Variants in THSD7A observed in about 807,000 individuals in gnomAD.
The protein encoded by THSD7A is thrombospondin type 1 domain containing 7A.
A neutral mutation model predicts 231.3 loss-of-function variants in THSD7A; 96 were observed. The ratio of observed to expected loss-of-function variants is 0.41; its 90% CI spans 0.35 to 0.49. The LOEUF (loss-of-function observed/expected upper bound fraction) is 0.49, where lower values mean the gene tolerates loss of function less well. Among genes scored for constraint, THSD7A ranks in the 20% least tolerant of loss-of-function variants. The probability of loss-of-function intolerance (pLI) is 0.05; values close to 1 mark genes in which losing one functional copy is unlikely to be tolerated. For synonymous variants in THSD7A, 940 were observed against 743.3 expected (o/e 1.26, Z -4.30); for missense variants, 2,290 against 2,070.2 (o/e 1.11, Z -2.06).
chr7:11,382,344 A>G (rs1782551184), intron 24 of THSD7A, among the ~76,000 whole-genome samples, 177 bp downstream of exon 24: 1 of 152,202 alleles, frequency 6.6e-6, no homozygotes, highest in African/African-American at 2.4e-5. Context: ...AACCACCTAT[A>G]AAATAAAATA....
intron 1 of THSD7A, among the ~76,000 whole-genome samples, chr7:11,816,299 T>C (rs1784702040): frequency 6.6e-6 from 1 of 152,190 alleles, no homozygotes; most frequent in Admixed American, 6.6e-5. Flanking sequence ...TAATTCAGAC[T>C]GTGAATGGAG....
chr7:11,565,760 G>C (rs1583985478), intron 4 of THSD7A, among the ~76,000 whole-genome samples: 1 of 152,120 alleles, frequency 6.6e-6, no homozygotes, highest in African/African-American at 2.4e-5. Flanking sequence ...CTGCTTTTTA[G>C]TTGATCAGAG....
At chr7:11,793,196 T>TA (rs1434029619) in intron 1 of THSD7A, among the ~76,000 whole-genome samples, 3 of 151,568 alleles carry the variant, frequency 2.0e-5, no homozygotes, top group Non-Finnish European at 4.4e-5. Flanking sequence ...AAAGATGGGG[T>TA]AAGAAGTATT....
At chr7:11,773,139 C>T (rs563332301) in intron 1 of THSD7A, among the ~76,000 whole-genome samples, 1 of 152,268 alleles carries the variant, frequency 6.6e-6, no homozygotes, top group African/African-American at 2.4e-5. Context: ...ATATTTTTAA[C>T]ACTGAAAGAT....
intron 1 of THSD7A, among the ~76,000 whole-genome samples, chr7:11,792,803 T>A (rs1040442624): frequency 1.3e-5 from 2 of 151,988 alleles, no homozygotes; most frequent in African/African-American, 4.8e-5. Context: ...ATACAATCTC[T>A]GTTTCAGTTA....
chr7:11,828,530 G>A (rs1463271645), intron 1 of THSD7A, among the ~76,000 whole-genome samples: 1 of 152,082 alleles, frequency 6.6e-6, no homozygotes, highest in Non-Finnish European at 1.5e-5. Flanking sequence ...TTGTAATTGT[G>A]TACTTATAGT....
chr7:11,457,689 A>G (rs1196664565), intron 11 of THSD7A, among the ~76,000 whole-genome samples: 1 of 152,050 alleles, frequency 6.6e-6, no homozygotes, highest in Admixed American at 6.6e-5. Flanking sequence ...GCCTTCCACA[A>G]AATCACCCCA....
intron 16 of THSD7A, among the ~76,000 whole-genome samples, chr7:11,422,489 C>T (rs755715799): frequency 2.0e-5 from 3 of 151,624 alleles, no homozygotes; most frequent in Non-Finnish European, 2.9e-5. Flanking sequence ...TCAATACTGA[C>T]CTCTCTTCTC....
At chr7:11,385,176 A>G (rs1441436373) in intron 23 of THSD7A, 1 of 151,276 alleles carries the variant, frequency 6.6e-6, no homozygotes, top group African/African-American at 2.4e-5. Context: ...ATGTTTCTGA[A>G]TTTTCTTACT....
At chr7:11,476,082 T>C (rs1236844698) in intron 7 of THSD7A, among the ~76,000 whole-genome samples, 2 of 151,856 alleles carry the variant, frequency 1.3e-5, no homozygotes, top group African/African-American at 2.4e-5. Context: ...GTTCAAAAAA[T>C]TGGTAAAGCT....
chr7:11,540,590 T>C (rs62432835), intron 6 of THSD7A, among the ~76,000 whole-genome samples: 31 of 152,172 alleles, frequency 2.0e-4, no homozygotes, highest in African/African-American at 7.5e-4. Flanking sequence ...ATTCAAGAGA[T>C]AGAGCAACCT....
chr7:11,586,294 G>C (rs1779901118), intron 4 of THSD7A, among the ~76,000 whole-genome samples: 1 of 151,992 alleles, frequency 6.6e-6, no homozygotes, highest in Admixed American at 6.6e-5. Flanking sequence ...TGGTGTTATA[G>C]AAAGTCAAAA....
chr7:11,485,071 A>T (rs1343031431), intron 6 of THSD7A, among the ~76,000 whole-genome samples: 1 of 150,846 alleles, frequency 6.6e-6, no homozygotes, highest in Non-Finnish European at 1.5e-5. Flanking sequence ...TTGTATTTTT[A>T]GCAGAGAAGG....
chr7:11,823,671 G>A (rs1256706420), intron 1 of THSD7A, among the ~76,000 whole-genome samples: 2 of 151,808 alleles, frequency 1.3e-5, no homozygotes, highest in Non-Finnish European at 2.9e-5. Flanking sequence ...GATTATACAT[G>A]TCTTTAGTTA....
At position 11,769,802 on chromosome 7, in the gene THSD7A, G is replaced by C. The variant is rs935543494; in HGVS notation, c.190+61955C>G. 3.3e-5 allele frequency among the ~76,000 whole-genome samples: 5 copies of C among 152,048 alleles called. No homozygotes were observed. In the South Asian group the frequency reaches 1.0e-3, roughly 31 times the overall value. ...TAAATTCTAAATAAGAAATATTTCAGTGAGTCCTCTTCTTAACTTTAATCT... is the reference window on the plus strand; with the variant it reads ...TAAATTCTAAATAAGAAATATTTCACTGAGTCCTCTTCTTAACTTTAATCT... On this transcript the variant is annotated intron_variant, in intron 1 of 27. Coordinates refer to ENST00000423059, the MANE Select transcript of THSD7A (RefSeq NM_015204.3).
intron 13 of THSD7A, among the ~76,000 whole-genome samples, chr7:11,435,965 T>C (rs1225750986): frequency 6.6e-6 from 1 of 152,066 alleles, no homozygotes; most frequent in African/African-American, 2.4e-5. Context: ...TATTGCACTT[T>C]CAAATATATA....
At chr7:11,451,858 C>G (rs1339644522) in intron 11 of THSD7A, among the ~76,000 whole-genome samples, 1 of 151,994 alleles carries the variant, frequency 6.6e-6, no homozygotes, top group Non-Finnish European at 1.5e-5. Context: ...CCTTATTATT[C>G]AGGTTTCACA....
At chr7:11,665,781 C>T (rs2128375418) in intron 1 of THSD7A, among the ~76,000 whole-genome samples, 1 of 151,730 alleles carries the variant, frequency 6.6e-6, no homozygotes, top group African/African-American at 2.4e-5. Flanking sequence ...ATTTGGGGGC[C>T]CCCTCAGAAA....
intron 4 of THSD7A, among the ~76,000 whole-genome samples, chr7:11,586,408 C>T (rs1779905932): frequency 6.6e-6 from 1 of 152,162 alleles, no homozygotes; most frequent in Admixed American, 6.5e-5. Flanking sequence ...AGGATTGCAT[C>T]TGAGAATCTA....
Sources: allele counts gnomAD v4.1 joint callset (sites outside exome capture counted in the v4.1 genomes callset), GRCh38; gene constraint gnomAD v4.1.1; transcripts MANE v1.5; gene names NCBI Gene and HGNC (gene_info 2026-07-23, HGNC 2026-07-21).